ATRX: variants seen among roughly 807,000 people sequenced by gnomAD.
The protein encoded by ATRX is chromatin remodeler ATRX.
ATRX carries 12 observed loss-of-function variants against 172.6 expected under a neutral mutation model. The ratio of observed to expected loss-of-function variants is 0.07; its 90% CI spans 0.04 to 0.11. The LOEUF (loss-of-function observed/expected upper bound fraction) is 0.11. Among genes scored for constraint, ATRX ranks in the 10% least tolerant of loss-of-function variants. The pLI is 1.00. For synonymous variants in ATRX, 674 were observed against 594.7 expected (o/e 1.13, Z -1.94); for missense variants, 1,368 against 1,767.4 (o/e 0.77, Z 4.05).
chrX:77,782,852 G>C (rs1237700068), intron 1 of ATRX, among the ~76,000 whole-genome samples: 1 of 111,878 alleles, frequency 8.9e-6, no homozygotes, highest in Admixed American at 9.5e-5. Flanking sequence ...CACATCCTGG[G>C]CCAGAAGGGA....
intron 30 of ATRX, among the ~76,000 whole-genome samples, chrX:77,535,888 A>G (rs2063731216): frequency 9.4e-6 from 1 of 106,059 alleles, no homozygotes; most frequent in South Asian, 4.2e-4. Context: ...ATGCCTGGCT[A>G]ATTTTTTTGT....
At chrX:77,756,323 C>T (rs1240095541) in intron 1 of ATRX, among the ~76,000 whole-genome samples, 1 of 110,657 alleles carries the variant, frequency 9.0e-6, no homozygotes, top group African/African-American at 3.3e-5. Context: ...CACCTAGCTC[C>T]CTGGCTTCAG....
chrX:77,665,031 T>C (rs1419729705), intron 10 of ATRX, among the ~76,000 whole-genome samples: 4 of 112,256 alleles, frequency 3.6e-5, no homozygotes, highest in African/African-American at 1.3e-4. Context: ...GAAGGACATA[T>C]TCTATTGACT....
At position 77,508,189 on chromosome X, in the gene ATRX, G is replaced by T. The variant is rs2062750904; in HGVS notation, c.*162C>A. ...CACTGACAAATGTCAGGAAGAAATGGTATGCCCTATTTAAAAAAAAAAAAA... is the reference window on the plus strand; with the variant it reads ...CACTGACAAATGTCAGGAAGAAATGTTATGCCCTATTTAAAAAAAAAAAAA... On this transcript the variant is annotated 3_prime_UTR_variant, in exon 35 of 35. Transcript: ENST00000373344. 3.7e-6 allele frequency: 2 copies of T among 544,472 alleles called. No homozygotes were observed. The highest frequency in any genetic ancestry group is 2.9e-6 in the Non-Finnish European group (1 of 350,035). The allele number at this position is 544,472 out of a possible 1,213,427, so 44.9% of individuals were successfully genotyped here.
intron 27 of ATRX, among the ~76,000 whole-genome samples, chrX:77,574,946 C>T (rs1217460607): frequency 9.2e-6 from 1 of 109,222 alleles, no homozygotes; most frequent in Non-Finnish European, 1.9e-5. Context: ...TATGACATGT[C>T]AATTTTAGAC....
At chrX:77,623,860 T>C (rs1388553768) in intron 19 of ATRX, among the ~76,000 whole-genome samples, 1 of 111,879 alleles carries the variant, frequency 8.9e-6, no homozygotes, top group East Asian at 2.8e-4. Flanking sequence ...CATCCCTATA[T>C]GATTAAAACC....
chrX:77,514,632 G>T (rs1052130685), intron 34 of ATRX, among the ~76,000 whole-genome samples: 1 of 112,221 alleles, frequency 8.9e-6, no homozygotes, highest in Admixed American at 9.4e-5. Flanking sequence ...ATACTTAAAT[G>T]TAAACCCGAA....
At chrX:77,559,451 T>C (rs2064933260) in intron 28 of ATRX, among the ~76,000 whole-genome samples, 2 of 627 alleles carry the variant, frequency 3.2e-3, no homozygotes, top group East Asian at 0.17. Flanking sequence ...TTCTTTCCCT[T>C]TTTTTTTTTT....
chrX:77,752,896 G>T lies in ATRX; in HGVS notation c.20+33086C>A, dbSNP rs75738219. Reference sequence around the variant, plus strand: ...GTATTTTATTGAGGATTTTCACATCGATGGTCATCAGGGATATTGGCCTGA... The same window carrying T: ...GTATTTTATTGAGGATTTTCACATCTATGGTCATCAGGGATATTGGCCTGA... On this transcript the variant is annotated intron_variant, in intron 1 of 34. Transcript: ENST00000373344. Among the ~76,000 whole-genome samples the T allele has an allele frequency of 8.9e-5, 10 of 111,751 alleles. No homozygotes were observed. The South Asian group carries it at 3.7e-3, about 42-fold the overall frequency.
rs142925737 is a variant in ATRX, at chrX:77,745,291, G to C, written c.21-28048C>G. ...ATCAAAGAGTTATCTGCACTCCCAT[G>C]ATTACTGCAGCACTATTCACAATAA... On this transcript the variant is annotated intron_variant, in intron 1 of 34. Coordinates refer to ENST00000373344, the MANE Select transcript of ATRX (RefSeq NM_000489.6). 2.3e-3 allele frequency among the ~76,000 whole-genome samples: 248 copies of C among 108,923 alleles called. 1 individual carries two copies. Among genetic ancestry groups the C allele is most frequent in the African/African-American group, 8.3e-3 (246 of 29,803 alleles). The allele number at this position is 108,923 out of a possible 115,157, so 94.6% of individuals were successfully genotyped here.
chrX:77,783,814 T>C (rs2076646600), intron 1 of ATRX, among the ~76,000 whole-genome samples: 2 of 111,688 alleles, frequency 1.8e-5, no homozygotes, highest in Admixed American at 1.9e-4. Flanking sequence ...TCTTTCATAG[T>C]AAATCATCAG....
chrX:77,527,321 C>T (rs929399313), intron 30 of ATRX, among the ~76,000 whole-genome samples: 24 of 111,647 alleles, frequency 2.1e-4, no homozygotes, highest in Admixed American at 1.1e-3. Flanking sequence ...CACATTGGGA[C>T]TGAATAGGCA....
chrX:77,589,847 G>A lies in ATRX; in HGVS notation c.6204C>T (p.Pro2068=), dbSNP rs782631268. 3.3e-6 allele frequency: 4 copies of A among 1,196,949 alleles called. No homozygotes were observed. The highest frequency in any genetic ancestry group is 4.5e-6 in the Non-Finnish European group (4 of 883,502). ...SREKTEDKDK[P]LIYKGEGKWL... ...TTTGTAGCTCACCTTTATAAATAAG[G>A]GGTTTATCTTTATCTTCTGTCTTCT... The change falls in exon 27 of 35, where the codon CCC becomes CCT. Residue 2068 remains proline, a synonymous_variant. Transcript: ENST00000373344.
intron 1 of ATRX, among the ~76,000 whole-genome samples, chrX:77,750,243 T>C (rs1302544533): frequency 1.8e-5 from 2 of 111,583 alleles, no homozygotes; most frequent in African/African-American, 6.5e-5. Flanking sequence ...AAAACATAAG[T>C]GTATATAGGA....
intron 1 of ATRX, among the ~76,000 whole-genome samples, chrX:77,760,726 T>C (rs2075685858): frequency 8.9e-6 from 1 of 112,180 alleles, no homozygotes; most frequent in Non-Finnish European, 1.9e-5. Flanking sequence ...ACTCTATCTG[T>C]AATGTTTTAA....
At chrX:77,724,289 A>T (rs781885389) in intron 1 of ATRX, among the ~76,000 whole-genome samples, 1 of 110,369 alleles carries the variant, frequency 9.1e-6, no homozygotes, top group East Asian at 2.8e-4. Flanking sequence ...ATAAATAAAT[A>T]AACAAATAAA....
chrX:77,558,275 A>T, intron 29 of ATRX, among the ~76,000 whole-genome samples: 1 of 111,509 alleles, frequency 9.0e-6, no homozygotes, highest in East Asian at 2.8e-4. Flanking sequence ...TTGAATAAAT[A>T]AACAAATAAC....
At chrX:77,744,272 G>A (rs2148857080) in intron 1 of ATRX, among the ~76,000 whole-genome samples, 1 of 112,357 alleles carries the variant, frequency 8.9e-6, no homozygotes, top group African/African-American at 3.2e-5. Context: ...AGCTATGAAT[G>A]TGCCACTGCA....
rs890621353 is a variant in ATRX, at chrX:77,505,361, G to A, written c.*2990C>T. On this transcript the variant is annotated 3_prime_UTR_variant, in exon 35 of 35. Transcript: ENST00000373344. The stretch of plus-strand genomic sequence containing the variant: ...GAGGCCAGGTAATAAGGAAGCTTCT[G>A]AATGGTAAGCAGCTTTTCTATCAAG... 3 of 172,878 alleles carry A rather than the reference G, an allele frequency of 1.7e-5. No individual in the cohort carries two copies. Among genetic ancestry groups the A allele is most frequent in the African/African-American group, 3.0e-5 (1 of 33,808 alleles). 14.2% of individuals were successfully genotyped at this position (172,878 alleles called of 1,213,427 possible). A position where few individuals can be genotyped will look rare whatever the true frequency, so the allele number is the denominator to read the frequency against.
Sources: gnomAD v4.1 joint callset for allele counts (sites outside exome capture counted in the v4.1 genomes callset) on GRCh38, gnomAD v4.1.1 for gene constraint, MANE v1.5 for transcripts, NCBI Gene and HGNC (gene_info 2026-07-23, HGNC 2026-07-21) for gene names.